The following DYM variants were observed in gnomAD, a reference collection of about 807,000 sequenced individuals.
The protein encoded by DYM is dyggve-Melchior-Clausen syndrome protein.
DYM carries 78 observed loss-of-function variants against 93.1 expected under a neutral mutation model. That is an observed-to-expected ratio of 0.84 (90% confidence interval 0.70 to 1.01). DYM has a LOEUF of 1.01. Ranked by LOEUF, DYM falls within the 50% of genes least tolerant of loss-of-function variation. The pLI is 0.00. For synonymous variants in DYM, 321 were observed against 319.7 expected (o/e 1.00, Z -0.04); for missense variants, 789 against 845.0 (o/e 0.93, Z 0.82).
intron 17 of DYM, among the ~76,000 whole-genome samples, chr18:49,063,397 T>C (rs987833979): frequency 6.6e-6 from 1 of 151,526 alleles, no homozygotes; most frequent in African/African-American, 2.4e-5. Flanking sequence ...AATAGATATA[T>C]GAACAGAACT....
chr18:49,440,354 G>A (rs1207595170), intron 1 of DYM, among the ~76,000 whole-genome samples: 1 of 115,216 alleles, frequency 8.7e-6, no homozygotes, highest in African/African-American at 3.1e-5. Flanking sequence ...ATATAATATA[G>A]TATATGATAT....
intron 1 of DYM, among the ~76,000 whole-genome samples, chr18:49,456,514 G>A (rs923137674): frequency 2.0e-5 from 3 of 152,038 alleles, no homozygotes; most frequent in Non-Finnish European, 4.4e-5. Context: ...CCAAAAGACT[G>A]AGCAATAAAA....
chr18:49,291,189 G>C (rs1226558408), intron 8 of DYM, among the ~76,000 whole-genome samples: 1 of 152,160 alleles, frequency 6.6e-6, no homozygotes, highest in Non-Finnish European at 1.5e-5. Flanking sequence ...TGAATTAAGT[G>C]CTTCTGTAAA....
intron 13 of DYM, among the ~76,000 whole-genome samples, chr18:49,235,689 T>G (rs1230782515): frequency 9.3e-5 from 14 of 150,164 alleles, no homozygotes; most frequent in African/African-American, 2.5e-4. Flanking sequence ...ATAAGACCAA[T>G]CAACACACAC....
intron 14 of DYM, among the ~76,000 whole-genome samples, chr18:49,186,175 C>T (rs543608968): frequency 6.6e-6 from 1 of 152,220 alleles, no homozygotes; most frequent in East Asian, 1.9e-4. Context: ...TATATAATCA[C>T]TCACTTAATA....
At chr18:49,454,907 CAAA>C (rs35671085) in intron 1 of DYM, among the ~76,000 whole-genome samples, 3 of 73,226 alleles carry the variant, frequency 4.1e-5, no homozygotes, top group Admixed American at 3.4e-4. Flanking sequence ...GACTCTGTCT[CAAA>C]AAAAAAAAAA....
At position 49,044,012 on chromosome 18, in the gene DYM, G is replaced by C; in HGVS notation, c.*43C>G. The C allele has an allele frequency of 6.2e-7, 1 of 1,610,554 alleles. No individual in the cohort carries two copies. The highest frequency in any genetic ancestry group is 8.5e-7 in the Non-Finnish European group (1 of 1,178,900). On this transcript the variant is annotated 3_prime_UTR_variant, in exon 18 of 18. Transcript: ENST00000675505. ...TACCCAGAAATAAAAGAACTTGAAG[G>C]GCTGCTTGGCTGGAGGGGTCCGGGT...
At chr18:49,203,872 A>AAAAAGT (rs1568598128) in intron 14 of DYM, among the ~76,000 whole-genome samples, 3 of 3,688 alleles carry the variant, frequency 8.1e-4, no homozygotes, top group Non-Finnish European at 7.2e-3. Context: ...TTAAAAAAGT[A>AAAAAGT]AAAAAAAAAA....
At chr18:49,400,289 A>T (rs556877945) in intron 2 of DYM, among the ~76,000 whole-genome samples, 1 of 152,260 alleles carries the variant, frequency 6.6e-6, no homozygotes, top group African/African-American at 2.4e-5. Context: ...ATCCTTTTGA[A>T]GCAGTCTGAT....
intron 8 of DYM, among the ~76,000 whole-genome samples, chr18:49,306,091 A>C (rs1435234953): frequency 6.6e-6 from 1 of 152,260 alleles, no homozygotes; most frequent in Non-Finnish European, 1.5e-5. Context: ...GGACTGAAAG[A>C]TAAATCCAAG....
intron 6 of DYM, among the ~76,000 whole-genome samples, chr18:49,360,042 T>C (rs1341693209): frequency 1.3e-5 from 2 of 152,190 alleles, no homozygotes; most frequent in Non-Finnish European, 1.5e-5. Context: ...GTGTACATAA[T>C]AGGAGACAAC....
intron 2 of DYM, among the ~76,000 whole-genome samples, chr18:49,426,888 G>A (rs2074351267): frequency 6.6e-6 from 1 of 151,730 alleles, no homozygotes; most frequent in Admixed American, 6.6e-5. Context: ...ACCCCTTCCT[G>A]AAAATTGGTA....
intron 9 of DYM, among the ~76,000 whole-genome samples, chr18:49,285,267 T>C (rs574525982): frequency 6.6e-6 from 1 of 152,214 alleles, no homozygotes; most frequent in South Asian, 2.1e-4. Context: ...AATGGGCACA[T>C]TTAGCCACGT....
chr18:49,154,388 T>C (rs187751166), intron 15 of DYM, among the ~76,000 whole-genome samples: 237 of 152,258 alleles, frequency 1.6e-3, no homozygotes, highest in African/African-American at 5.2e-3. Flanking sequence ...GAAGTATATA[T>C]GAAAATTCAT....
intron 16 of DYM, among the ~76,000 whole-genome samples, chr18:49,106,293 T>G (rs954763320): frequency 5.9e-5 from 9 of 152,306 alleles, no homozygotes; most frequent in Middle Eastern, 3.4e-3. Flanking sequence ...CTGAGCCTAT[T>G]TGTGTCTCTG....
Position 49,116,386 on chromosome 18 carries a change from T to C in DYM, c.1911+2358A>G, listed in dbSNP as rs549389199. 8 of 152,300 alleles carry C rather than the reference T, an allele frequency of 5.3e-5. 1 individual carries two copies. The highest frequency in any genetic ancestry group is 1.7e-4 in the African/African-American group (7 of 41,576). 9.4% of individuals were successfully genotyped at this position (152,300 alleles called of 1,614,324 possible). A position where few individuals can be genotyped will look rare whatever the true frequency, so the allele number is the denominator to read the frequency against. On this transcript the variant is annotated intron_variant, in intron 16 of 17. Coordinates refer to ENST00000675505, the MANE Select transcript of DYM (RefSeq NM_001353214.3). ...CCTTTACCCACAAGCATAATGAGTC[T>C]TAAACTCAGTATTTTACCTCCAAAA...
chr18:49,370,960 G>A (rs185195691), intron 5 of DYM, among the ~76,000 whole-genome samples: 1 of 152,196 alleles, frequency 6.6e-6, no homozygotes, highest in East Asian at 1.9e-4. Flanking sequence ...CAAATAAATG[G>A]ACTTGAATCC....
intron 6 of DYM, among the ~76,000 whole-genome samples, chr18:49,353,417 A>G (rs940247619): frequency 1.3e-5 from 2 of 152,128 alleles, no homozygotes; most frequent in Non-Finnish European, 2.9e-5. Flanking sequence ...ATATTAAAGT[A>G]CAGATAATAC....
intron 11 of DYM, among the ~76,000 whole-genome samples, chr18:49,265,592 A>G (rs2094556323): frequency 6.6e-6 from 1 of 152,078 alleles, no homozygotes; most frequent in South Asian, 2.1e-4. Flanking sequence ...TAGCCTGACC[A>G]ACATGGAGAA....
Sources: allele counts gnomAD v4.1 joint callset (sites outside exome capture counted in the v4.1 genomes callset), GRCh38; gene constraint gnomAD v4.1.1; transcripts MANE v1.5; gene names NCBI Gene and HGNC (gene_info 2026-07-23, HGNC 2026-07-21).